The following CGRRF1 variants were observed in gnomAD, a reference collection of about 807,000 sequenced individuals.
CGRRF1 encodes cell growth regulator with RING finger domain protein 1.
Under a neutral mutation model 37.2 loss-of-function variants are expected in CGRRF1, and 32 were observed. The observed-to-expected ratio is 0.86, with a 90% CI of 0.65 to 1.16. CGRRF1 has a LOEUF of 1.16. Ranked by LOEUF, CGRRF1 falls within the 50% of genes most tolerant of loss-of-function variation. The pLI, the probability that CGRRF1 is intolerant of heterozygous loss-of-function variation, is 0.00. For synonymous variants in CGRRF1, 141 were observed against 140.3 expected (o/e 1.00, Z -0.04); for missense variants, 391 against 382.6 (o/e 1.02, Z -0.18).
intron 2 of CGRRF1, among the ~76,000 whole-genome samples, chr14:54,529,749 C>A (rs1256833281): frequency 2.0e-4 from 31 of 152,038 alleles, no homozygotes; most frequent in African/African-American, 6.8e-4. Flanking sequence ...TTTTAAAAAT[C>A]TAGATGGGAA....
intron 2 of CGRRF1, among the ~76,000 whole-genome samples, chr14:54,527,069 A>T (rs2032422797): frequency 6.6e-6 from 1 of 152,170 alleles, no homozygotes; most frequent in African/African-American, 2.4e-5. Context: ...AGTTTGAGAG[A>T]TACCACACCC....
At chr14:54,528,921 T>C (rs1479456154) in intron 2 of CGRRF1, among the ~76,000 whole-genome samples, 1 of 152,210 alleles carries the variant, frequency 6.6e-6, no homozygotes, top group South Asian at 2.1e-4. Context: ...CAGTTTTTGG[T>C]ATCCTGTGGA....
intron 1 of CGRRF1, among the ~76,000 whole-genome samples, chr14:54,514,776 TCCC>T (rs1035716465): frequency 6.6e-6 from 1 of 152,222 alleles, no homozygotes; most frequent in Non-Finnish European, 1.5e-5. Context: ...TTATCAGCAT[TCCC>T]CCACATTTTG....
intron 4 of CGRRF1, among the ~76,000 whole-genome samples, chr14:54,532,438 A>G (rs571452868): frequency 1.3e-5 from 2 of 152,274 alleles, no homozygotes; most frequent in South Asian, 4.1e-4. Context: ...CATAAAGACT[A>G]TAGTTAATGT....
chr14:54,529,531 G>A (rs903474451), intron 2 of CGRRF1, among the ~76,000 whole-genome samples: 1 of 152,182 alleles, frequency 6.6e-6, no homozygotes, highest in Admixed American at 6.5e-5. Context: ...TGACAAGCCT[G>A]TATGTTAATG....
At chr14:54,510,724 T>C (rs2032115812) in intron 1 of CGRRF1, among the ~76,000 whole-genome samples, 1 of 152,236 alleles carries the variant, frequency 6.6e-6, no homozygotes, top group Non-Finnish European at 1.5e-5. Flanking sequence ...AATGGTCTGT[T>C]AGATAACCGC....
At chr14:54,525,004 A>G (rs1262645473) in intron 2 of CGRRF1, among the ~76,000 whole-genome samples, 1 of 152,148 alleles carries the variant, frequency 6.6e-6, no homozygotes, top group Admixed American at 6.5e-5. Context: ...CCGTGATCAC[A>G]CCACTTCACT....
chr14:54,517,977 G>A (rs1241360540), intron 1 of CGRRF1, among the ~76,000 whole-genome samples: 1 of 152,200 alleles, frequency 6.6e-6, no homozygotes, highest in Non-Finnish European at 1.5e-5. Context: ...TGGCTGCATA[G>A]TATTCTGTGG....
At chr14:54,515,935 G>C (rs2032207908) in intron 1 of CGRRF1, among the ~76,000 whole-genome samples, 3 of 152,066 alleles carry the variant, frequency 2.0e-5, no homozygotes, top group African/African-American at 4.8e-5. Flanking sequence ...GATATTGTTA[G>C]ATTTAATTCC....
intron 1 of CGRRF1, among the ~76,000 whole-genome samples, chr14:54,514,287 C>G (rs773533785): frequency 3.3e-5 from 5 of 152,104 alleles, no homozygotes; most frequent in Non-Finnish European, 5.9e-5. Flanking sequence ...GGATTGTAAG[C>G]CGGAGAATAG....
At chr14:54,511,151 G>A (rs1321052458) in intron 1 of CGRRF1, among the ~76,000 whole-genome samples, 3 of 152,206 alleles carry the variant, frequency 2.0e-5, no homozygotes, top group East Asian at 1.9e-4. Flanking sequence ...TCACATATAT[G>A]TGATTGCCTT....
chr14:54,511,612 A>G (rs1436317338), intron 1 of CGRRF1, among the ~76,000 whole-genome samples: 2 of 152,218 alleles, frequency 1.3e-5, no homozygotes, highest in Non-Finnish European at 2.9e-5. Context: ...GATATCTTAG[A>G]TATCAATCTT....
chr14:54,510,129 A>G, intron 1 of CGRRF1, 66 bp downstream of exon 1: 2 of 1,240,510 alleles, frequency 1.6e-6, no homozygotes, highest in South Asian at 2.5e-5. Context: ...GACGAGCAGC[A>G]GGGGGCACCG....
chr14:54,528,206 C>CTTTTTTTT (rs758797153), intron 2 of CGRRF1, among the ~76,000 whole-genome samples: 1 of 96,284 alleles, frequency 1.0e-5, no homozygotes. Flanking sequence ...TACCTCAATT[C>CTTTTTTTT]TTTTTTTTTT....
intron 1 of CGRRF1, among the ~76,000 whole-genome samples, chr14:54,521,690 T>C (rs2032319589): frequency 6.6e-6 from 1 of 151,866 alleles, no homozygotes; most frequent in African/African-American, 2.4e-5. Flanking sequence ...TTTTTATTAA[T>C]GACAGGGTTT....
At chr14:54,525,431 C>T (rs975949746) in intron 2 of CGRRF1, among the ~76,000 whole-genome samples, 1 of 152,182 alleles carries the variant, frequency 6.6e-6, no homozygotes, top group Non-Finnish European at 1.5e-5. Context: ...TGCTAACCAA[C>T]AGTAGTATTA....
intron 1 of CGRRF1, among the ~76,000 whole-genome samples, chr14:54,519,676 G>A (rs7156777): frequency 0.023 from 3,462 of 152,276 alleles, 93 homozygotes; most frequent in East Asian, 0.095. Context: ...GGTCTCCTTA[G>A]TACATGAAGG....
chr14:54,522,069 C>G (rs1406125460), intron 1 of CGRRF1, among the ~76,000 whole-genome samples: 1 of 152,146 alleles, frequency 6.6e-6, no homozygotes, highest in Non-Finnish European at 1.5e-5. Context: ...GCTTAAGTCC[C>G]TTATATAACA....
intron 1 of CGRRF1, 176 bp downstream of exon 1, chr14:54,510,239 C>G: frequency 1.7e-6 from 1 of 602,216 alleles, no homozygotes; most frequent in Non-Finnish European, 3.0e-6. Context: ...GGACGCTGCA[C>G]CTGCGTCACT....
Sources: gnomAD v4.1 joint callset for allele counts (sites outside exome capture counted in the v4.1 genomes callset) on GRCh38, gnomAD v4.1.1 for gene constraint, MANE v1.5 for transcripts, NCBI Gene and HGNC (gene_info 2026-07-23, HGNC 2026-07-21) for gene names.